AMOTL1: variants seen among roughly 807,000 people sequenced by gnomAD.
AMOTL1 encodes the protein angiomotin like 1.
A neutral mutation model predicts 102.9 loss-of-function variants in AMOTL1; 45 were observed. The observed-to-expected ratio is 0.44, with a 90% CI of 0.34 to 0.56. The LOEUF (loss-of-function observed/expected upper bound fraction) is 0.56, where lower values mean the gene tolerates loss of function less well. AMOTL1 is among the 20% of genes least tolerant of loss of function. The probability of loss-of-function intolerance (pLI) is 0.01; values close to 1 mark genes in which losing one functional copy is unlikely to be tolerated. For synonymous variants in AMOTL1, 481 were observed against 484.7 expected (o/e 0.99, Z 0.10); for missense variants, 1,114 against 1,225.6 (o/e 0.91, Z 1.36).
chr11:94,736,105 T>C (rs1950435917), intron 2 of AMOTL1, among the ~76,000 whole-genome samples: 1 of 152,124 alleles, frequency 6.6e-6, no homozygotes, highest in Admixed American at 6.5e-5. Flanking sequence ...CTCTAATAAA[T>C]ATGCTTCCCT....
chr11:94,870,479 C>T (rs1952975268), intron 12 of AMOTL1, among the ~76,000 whole-genome samples: 1 of 152,182 alleles, frequency 6.6e-6, no homozygotes, highest in Non-Finnish European at 1.5e-5. Context: ...CTTCTGAATC[C>T]TCTCCCTTCA....
In AMOTL1 at chr11:94,872,113, T is replaced by C. The variant is rs993204042; in HGVS notation, c.*1318T>C. On this transcript the variant is annotated 3_prime_UTR_variant, in exon 13 of 13. Transcript: ENST00000433060. ...TGTCAGGTTTTTCCGGGTTTCAGTT[T>C]TGAGGCAGTTTATTCAAAGTGAGAC... 4 of 152,164 alleles carry C rather than the reference T, an allele frequency of 2.6e-5. No individual in the cohort carries two copies. Among genetic ancestry groups the C allele is most frequent in the African/African-American group, 9.7e-5 (4 of 41,430 alleles). The allele number at this position is 152,164 out of a possible 1,614,324, so 9.4% of individuals were successfully genotyped here. A position where few individuals can be genotyped will look rare whatever the true frequency, so the allele number is the denominator to read the frequency against.
In AMOTL1 at chr11:94,821,591, A is replaced by T. The variant is rs751679211; in HGVS notation, c.1183A>T (p.Thr395Ser). ...GCAGCACAGCCCCATGTCCTCCCAG[A>T]CCTCTTCCGCCAGCGGGCCACTGCA... ...MQQHSPMSSQ[T>S]SSASGPLHSV... The change falls in exon 4 of 13, where the codon ACC becomes TCC. Residue 395 changes from threonine to serine, a missense_variant. By Grantham distance (58) the Thr-to-Ser change is moderately conservative. Coordinates refer to ENST00000433060, the MANE Select transcript of AMOTL1 (RefSeq NM_130847.3). 6.2e-7 allele frequency: 1 copy of T among 1,612,558 alleles called. No homozygotes were observed. Among genetic ancestry groups the T allele is most frequent in the East Asian group, 2.2e-5 (1 of 44,840 alleles).
chr11:94,835,935 A>C (rs1368356266), intron 6 of AMOTL1, among the ~76,000 whole-genome samples: 1 of 152,262 alleles, frequency 6.6e-6, no homozygotes, highest in Non-Finnish European at 1.5e-5. Context: ...ACAGAAAAAA[A>C]TGTGTTGGAC....
intron 6 of AMOTL1, 128 bp from the exon 7 acceptor site, chr11:94,849,986 A>G (rs1592032503): frequency 3.4e-6 from 4 of 1,171,054 alleles, no homozygotes; most frequent in Non-Finnish European, 4.7e-6. Context: ...GGGAGCAGAA[A>G]CAGCAATTCA....
intron 1 of AMOTL1, among the ~76,000 whole-genome samples, chr11:94,717,160 T>C (rs1950110870): frequency 6.6e-6 from 1 of 151,864 alleles, no homozygotes; most frequent in Non-Finnish European, 1.5e-5. Context: ...CAGTCAACTT[T>C]TCTTTTTTCC....
chr11:94,773,223 A>C (rs1282047004), intron 1 of AMOTL1, among the ~76,000 whole-genome samples: 1 of 152,246 alleles, frequency 6.6e-6, no homozygotes, highest in Non-Finnish European at 1.5e-5. Context: ...ATTTTGATAA[A>C]GTCCAGTTGA....
At chr11:94,791,769 C>T (rs1007867467) in intron 1 of AMOTL1, among the ~76,000 whole-genome samples, 13 of 152,142 alleles carry the variant, frequency 8.5e-5, no homozygotes, top group African/African-American at 3.1e-4. Flanking sequence ...AACAGCAGTC[C>T]CTCTCATGCC....
At chr11:94,869,786 A>G (rs564316577) in intron 12 of AMOTL1, among the ~76,000 whole-genome samples, 5 of 152,292 alleles carry the variant, frequency 3.3e-5, no homozygotes, top group Admixed American at 2.6e-4. Context: ...GCCCTCTGGT[A>G]TGTTTGGGAG....
At chr11:94,756,245 C>A (rs1591934454) in intron 3 of AMOTL1, among the ~76,000 whole-genome samples, 1 of 152,162 alleles carries the variant, frequency 6.6e-6, no homozygotes, top group East Asian at 1.9e-4. Flanking sequence ...GCGTGGCAGG[C>A]CAAAAGCAGC....
At chr11:94,855,259 T>C (rs1344897932) in intron 8 of AMOTL1, among the ~76,000 whole-genome samples, 3 of 152,346 alleles carry the variant, frequency 2.0e-5, no homozygotes, top group African/African-American at 7.2e-5. Flanking sequence ...CCTCTGGGTA[T>C]GTGCATTTGG....
chr11:94,844,670 C>A (rs1371239739), intron 6 of AMOTL1, among the ~76,000 whole-genome samples: 3 of 152,200 alleles, frequency 2.0e-5, no homozygotes, highest in Non-Finnish European at 2.9e-5. Context: ...CCCACAATAA[C>A]CAACCTACTC....
rs776914253 is a variant in AMOTL1 at position 94,799,828 on chromosome 11, C to T, written c.638C>T (p.Ala213Val). 3.9e-5 allele frequency: 62 copies of T among 1,593,344 alleles called. 1 individual carries two copies. Among genetic ancestry groups the T allele is most frequent in the Middle Eastern group, 1.7e-4 (1 of 5,966 alleles). ...CAGCAGCAGCAACAGCAGCAGGGGG[C>T]GGTGGGCCATGGTTACTACATGGCA... ...GQQQQQQQQG[A>V]VGHGYYMAGG... is the part of the protein sequence containing the mutation. Residue 213 changes from alanine (A) to valine (V), a missense_variant, in exon 3 of 13, where the codon GCG (alanine) becomes GTG (valine). Transcript: ENST00000433060. This position sits in a 1 kb window ranked among gnomAD's most constrained non-coding sequence, Gnocchi z 4.5.
Position 94,760,758 on chromosome 11 carries a change from A to T in AMOTL1, c.136+19770A>T, listed in dbSNP as rs569342234. Reference sequence around the variant, plus strand: ...ACTTCTTTATATGTTTTAGTAAGACAAAGCCCATACCAGGGTATTTGAGCA... The same window carrying T: ...ACTTCTTTATATGTTTTAGTAAGACTAAGCCCATACCAGGGTATTTGAGCA... On this transcript the variant is annotated intron_variant, in intron 3 of 4. Transcript: ENST00000299004. 5.9e-5 allele frequency among the ~76,000 whole-genome samples: 9 copies of T among 152,302 alleles called. No individual in the cohort carries two copies. In the East Asian group the frequency reaches 1.7e-3, roughly 29 times the overall value.
At chr11:94,778,528 G>A (rs1444377372) in intron 1 of AMOTL1, among the ~76,000 whole-genome samples, 1 of 152,026 alleles carries the variant, frequency 6.6e-6, no homozygotes, top group African/African-American at 2.4e-5. Context: ...TGATATATAG[G>A]GATCTTAATT....
intron 6 of AMOTL1, among the ~76,000 whole-genome samples, chr11:94,832,974 G>C (rs577217294): frequency 3.9e-4 from 60 of 152,354 alleles, no homozygotes; most frequent in African/African-American, 1.3e-3. Context: ...TGGAATAATG[G>C]AGTAATAGGG....
chr11:94,745,226 G>C (rs1277852889), intron 3 of AMOTL1, among the ~76,000 whole-genome samples: 4 of 132,430 alleles, frequency 3.0e-5, no homozygotes, highest in African/African-American at 1.2e-4. Flanking sequence ...ATGACATTAT[G>C]ACATAATGCT....
intron 6 of AMOTL1, among the ~76,000 whole-genome samples, chr11:94,834,895 A>T (rs604083): frequency 0.018 from 2,739 of 152,222 alleles, 84 homozygotes; most frequent in African/African-American, 0.063. Context: ...TTCTTCTAAA[A>T]ACTGAACTCT....
chr11:94,708,279 G>A (rs58352222), intron 1 of AMOTL1, among the ~76,000 whole-genome samples: 4,089 of 152,284 alleles, frequency 0.027, 247 homozygotes, highest in East Asian at 0.25. Context: ...TCTATTTGGA[G>A]TTTAGAAGCA....
Sources: gnomAD v4.1 joint callset for allele counts (sites outside exome capture counted in the v4.1 genomes callset) on GRCh38, gnomAD v4.1.1 for gene constraint, Gnocchi (gnomAD v3.1) non-coding constraint, MANE v1.5 for transcripts, NCBI Gene and HGNC (gene_info 2026-07-23, HGNC 2026-07-21) for gene names.